Variants in TMEM132B observed in about 807,000 individuals in gnomAD.
The protein encoded by TMEM132B is transmembrane protein 132B.
TMEM132B carries 18 observed loss-of-function variants against 90.8 expected under a neutral mutation model. The ratio of observed to expected loss-of-function variants is 0.20; its 90% CI spans 0.14 to 0.29. The LOEUF is 0.29. Ranked by LOEUF, TMEM132B falls within the 10% of genes least tolerant of loss-of-function variation. The pLI is 1.00. For synonymous variants in TMEM132B, 504 were observed against 523.3 expected (o/e 0.96, Z 0.50); for missense variants, 1,096 against 1,326.8 (o/e 0.83, Z 2.70).
At position 125,326,712 on chromosome 12, in the gene TMEM132B, A is replaced by G. The variant is rs763931716; in HGVS notation, c.68-22740A>G. 58 of 1,593,536 alleles carry G rather than the reference A, an allele frequency of 3.6e-5. No homozygotes were observed. In the South Asian group the frequency reaches 6.2e-4, roughly 17 times the overall value. On this transcript the variant is annotated intron_variant, in intron 1 of 8. Coordinates refer to ENST00000682704, the MANE Select transcript of TMEM132B (RefSeq NM_001366854.1). ...GGGAATGGCCTGGTGCAACCAGGAC[A>G]GGGATGGGACCAGACCCAAGGGGAG...
intron 3 of TMEM132B, among the ~76,000 whole-genome samples, chr12:125,425,937 G>A (rs892585500): frequency 6.6e-6 from 1 of 152,238 alleles, no homozygotes; most frequent in East Asian, 1.9e-4. Context: ...GTAGATGTAC[G>A]GTTTCAACTC....
At chr12:125,416,371 C>T (rs994070836) in intron 3 of TMEM132B, among the ~76,000 whole-genome samples, 5 of 152,252 alleles carry the variant, frequency 3.3e-5, no homozygotes, top group African/African-American at 1.2e-4. Context: ...GGACATGTGG[C>T]CTCCTGCTTT....
At chr12:125,217,920 A>G (rs555482923) in intron 1 of TMEM132B, among the ~76,000 whole-genome samples, 1 of 152,348 alleles carries the variant, frequency 6.6e-6, no homozygotes, top group East Asian at 1.9e-4. Context: ...AAGAGGAGAG[A>G]TTTGAGGATA....
At chr12:125,527,734 A>G (rs2136685990) in intron 4 of TMEM132B, among the ~76,000 whole-genome samples, 1 of 150,808 alleles carries the variant, frequency 6.6e-6, no homozygotes, top group South Asian at 2.1e-4. Flanking sequence ...CCATCCACCC[A>G]TTCACCCTTC....
chr12:125,310,014 G>T (rs1565998673), intron 1 of TMEM132B, among the ~76,000 whole-genome samples: 2 of 152,174 alleles, frequency 1.3e-5, no homozygotes, highest in Non-Finnish European at 2.9e-5. Flanking sequence ...TCCTGTGGCT[G>T]CCTGGCTTCC....
intron 1 of TMEM132B, among the ~76,000 whole-genome samples, chr12:125,291,716 G>A (rs1593072020): frequency 6.6e-6 from 1 of 152,276 alleles, no homozygotes; most frequent in Non-Finnish European, 1.5e-5. Context: ...CAGACATGAT[G>A]TGTCTGGACT....
intron 5 of TMEM132B, among the ~76,000 whole-genome samples, chr12:125,633,854 T>C (rs1212835182): frequency 6.6e-6 from 1 of 152,230 alleles, no homozygotes; most frequent in Non-Finnish European, 1.5e-5. Context: ...CCACTCCCAC[T>C]ATGACTGTGC....
Position 125,505,939 on chromosome 12 carries a change from G to T in TMEM132B, c.1107-13500G>T, listed in dbSNP as rs367636657. On this transcript the variant is annotated intron_variant, in intron 3 of 8. Coordinates refer to ENST00000682704, the MANE Select transcript of TMEM132B (RefSeq NM_001366854.1). Reference sequence around the variant, plus strand: ...AAGGGACAGAAAATATATTTGAAGAGGTAATGCTTATAAATTTCCCAATTT... The same window carrying T: ...AAGGGACAGAAAATATATTTGAAGATGTAATGCTTATAAATTTCCCAATTT... Among the ~76,000 whole-genome samples the T allele has an allele frequency of 5.9e-5, 9 of 152,272 alleles. 1 individual carries two copies. The East Asian group carries it at 9.6e-4, about 16-fold the overall frequency.
At chr12:125,250,258 G>A (rs897041143) in intron 1 of TMEM132B, among the ~76,000 whole-genome samples, 1 of 152,260 alleles carries the variant, frequency 6.6e-6, no homozygotes, top group African/African-American at 2.4e-5. Flanking sequence ...TGAGCTCCTC[G>A]TGGTATTTCA....
chr12:125,238,377 C>CAAAAAAAAAAAAAAAAAAAAAAAAAAAA (rs1207886157), intron 1 of TMEM132B, among the ~76,000 whole-genome samples: 1 of 129,538 alleles, frequency 7.7e-6, no homozygotes, highest in African/African-American at 2.8e-5. Context: ...AAAAAAAAAA[C>CAAAAAAAAAAAAAAAAAAAAAAAAAAAA]AAAAAAAAAC....
At chr12:125,625,381 C>T (rs1294350157) in intron 5 of TMEM132B, among the ~76,000 whole-genome samples, 2 of 152,166 alleles carry the variant, frequency 1.3e-5, no homozygotes, top group African/African-American at 4.8e-5. Context: ...GATCCGCCCA[C>T]CTCGGCCTCC....
chr12:125,316,003 G>C (rs559720934), intron 1 of TMEM132B, among the ~76,000 whole-genome samples: 1 of 152,238 alleles, frequency 6.6e-6, no homozygotes, highest in East Asian at 1.9e-4. Flanking sequence ...TGGCTTTTCT[G>C]GGGACACAGG....
chr12:125,279,793 C>A (rs748036022), intron 1 of TMEM132B, among the ~76,000 whole-genome samples: 2 of 152,078 alleles, frequency 1.3e-5, no homozygotes, highest in Non-Finnish European at 2.9e-5. Flanking sequence ...CTTGAGAAAC[C>A]CTCTAACAGG....
chr12:125,523,333 T>G (rs577979992), intron 4 of TMEM132B, among the ~76,000 whole-genome samples: 1 of 152,266 alleles, frequency 6.6e-6, no homozygotes, highest in East Asian at 1.9e-4. Flanking sequence ...CGTTTCCAGC[T>G]TCTAGAGGCC....
chr12:125,248,443 G>T (rs1006718468), intron 1 of TMEM132B, among the ~76,000 whole-genome samples: 6 of 152,094 alleles, frequency 3.9e-5, no homozygotes, highest in African/African-American at 1.4e-4. Flanking sequence ...AGGTTACCAG[G>T]GGGCATCAAT....
intron 3 of TMEM132B, among the ~76,000 whole-genome samples, chr12:125,447,953 A>G (rs1236877576): frequency 1.3e-5 from 2 of 152,190 alleles, no homozygotes; most frequent in African/African-American, 4.8e-5. Context: ...TTTAGATACA[A>G]TACAACATAT....
intron 4 of TMEM132B, among the ~76,000 whole-genome samples, chr12:125,554,191 A>C (rs1398506053): frequency 6.6e-6 from 1 of 151,996 alleles, no homozygotes; most frequent in Non-Finnish European, 1.5e-5. Context: ...TGGGAGGCTG[A>C]GGTGGGTGGA....
chr12:125,269,226 C>T (rs1225863473), intron 1 of TMEM132B, among the ~76,000 whole-genome samples: 7 of 152,194 alleles, frequency 4.6e-5, no homozygotes, highest in Admixed American at 2.0e-4. Context: ...GCCAGTGACT[C>T]GGGCCAGGTG....
In TMEM132B at chr12:125,317,031, G is replaced by A. The variant is rs528134886; in HGVS notation, c.68-32421G>A. 6.6e-5 allele frequency among the ~76,000 whole-genome samples: 10 copies of A among 152,282 alleles called. No homozygotes were observed. In the East Asian group the frequency reaches 1.9e-3, roughly 29 times the overall value. On this transcript the variant is annotated intron_variant, in intron 1 of 8. Transcript: ENST00000682704. The stretch of plus-strand genomic sequence containing the variant: ...TGGCAGGGTGGTGAGAGGGCTGGAA[G>A]CAGAATGGGGGGCTCCCGATCAAAG...
Sources: gnomAD v4.1 joint callset for allele counts (sites outside exome capture counted in the v4.1 genomes callset) on GRCh38, gnomAD v4.1.1 for gene constraint, MANE v1.5 for transcripts, NCBI Gene and HGNC (gene_info 2026-07-23, HGNC 2026-07-21) for gene names.